Variants in TNPO1 observed in about 807,000 individuals in gnomAD.
TNPO1 encodes transportin-1.
In TNPO1, 8 loss-of-function variants were observed where a neutral mutation model predicts 119.5. That is an observed-to-expected ratio of 0.07 (90% CI 0.04 to 0.12). The LOEUF (loss-of-function observed/expected upper bound fraction) is 0.12. Ranked by LOEUF, TNPO1 falls within the 10% of genes least tolerant of loss-of-function variation. TNPO1 has a pLI of 1.00. For missense variants in TNPO1, 576 were observed against 1,089.8 expected (o/e 0.53, Z 6.64); for synonymous variants, 362 against 363.0 (o/e 1.00, Z 0.03).
In TNPO1 at chr5:72,891,205, A is replaced by G. The variant is rs370593212; in HGVS notation, c.1702-605A>G. Among the ~76,000 whole-genome samples, 299 of 151,738 alleles carry G rather than the reference A, an allele frequency of 2.0e-3. 3 individuals carry two copies. Among genetic ancestry groups the G allele is most frequent in the African/African-American group, 7.0e-3 (289 of 41,444 alleles). On this transcript the variant is annotated intron_variant, in intron 14 of 24. Transcript: ENST00000337273. ...CTTAGGTCTGGGCACAGTGGCTCAC[A>G]CCTGTAATCCCAGCACTTTGGGAGG...
chr5:72,893,582 C>G lies in TNPO1; in HGVS notation c.2056-34C>G, dbSNP rs747043427. 1.2e-5 allele frequency: 19 copies of G among 1,613,994 alleles called. No individual in the cohort carries two copies. In the South Asian group the frequency reaches 2.1e-4, roughly 18 times the overall value. ...TGAATTGAAGCCTGTTTCTCTGTGTCACATTGGGGTTAATTTCTTCTTATT... is the reference window on the plus strand; with the variant it reads ...TGAATTGAAGCCTGTTTCTCTGTGTGACATTGGGGTTAATTTCTTCTTATT... On this transcript the variant is annotated intron_variant, in intron 17 of 24. Transcript: ENST00000337273.
chr5:72,883,743 G>T (rs1359427040), intron 11 of TNPO1, among the ~76,000 whole-genome samples: 1 of 151,784 alleles, frequency 6.6e-6, no homozygotes, highest in Non-Finnish European at 1.5e-5. Context: ...TTGTTTGTTT[G>T]TTTGTTTTTT....
At chr5:72,897,844 A>G (rs1579931889) in intron 20 of TNPO1, among the ~76,000 whole-genome samples, 1 of 152,096 alleles carries the variant, frequency 6.6e-6, no homozygotes, top group Non-Finnish European at 1.5e-5. Context: ...GATGATTCCC[A>G]TAATTTATTT....
intron 21 of TNPO1, 35 bp downstream of exon 21, chr5:72,900,116 TTTC>T (rs752140125): frequency 1.0e-5 from 16 of 1,544,616 alleles, no homozygotes; most frequent in Non-Finnish European, 1.3e-5. Context: ...TTAATTCATT[TTTC>T]TTCACTCTTT....
At chr5:72,883,933 G>T (rs62363384) in intron 11 of TNPO1, among the ~76,000 whole-genome samples, 3 of 150,554 alleles carry the variant, frequency 2.0e-5, no homozygotes, top group Non-Finnish European at 4.4e-5. Flanking sequence ...TTTTTTTTTG[G>T]TAGAGACAGT....
intron 24 of TNPO1, among the ~76,000 whole-genome samples, chr5:72,906,467 T>C (rs575718609): frequency 7.2e-5 from 11 of 152,030 alleles, no homozygotes; most frequent in African/African-American, 2.4e-4. Context: ...AATTTTTGTA[T>C]TTTTAGTAGA....
At chr5:72,823,380 C>G (rs572294604) in intron 1 of TNPO1, among the ~76,000 whole-genome samples, 3 of 152,320 alleles carry the variant, frequency 2.0e-5, no homozygotes, top group South Asian at 4.1e-4. Context: ...GACCTCTCTT[C>G]CAGTGCTCTT....
At chr5:72,843,349 T>G (rs982366768) in intron 1 of TNPO1, among the ~76,000 whole-genome samples, 6 of 152,032 alleles carry the variant, frequency 3.9e-5, no homozygotes, top group African/African-American at 1.4e-4. Context: ...ATCCCAGCAC[T>G]TTAGGAGGCT....
rs956038742 is a variant in TNPO1 at position 72,883,918 on chromosome 5, GT to G, written c.1150+699del. On this transcript the variant is annotated intron_variant, in intron 11 of 24. Transcript: ENST00000337273. The stretch of plus-strand genomic sequence containing the variant: ...CACCAATACACCTGGATGAATTTTT[GT>G]TTTTTTTTTTTTGGTAGAGACAGTT... 1.1e-3 allele frequency among the ~76,000 whole-genome samples: 157 copies of G among 138,438 alleles called. 1 individual carries two copies. The highest frequency in any genetic ancestry group is 1.2e-3 in the South Asian group (5 of 4,310). The allele number at this position is 138,438 out of a possible 152,430, so 90.8% of individuals were successfully genotyped here. A position where few individuals can be genotyped will look rare whatever the true frequency, so the allele number is the denominator to read the frequency against.
rs368747295 is a variant in TNPO1 at position 72,872,604 on chromosome 5, A to G, written c.597-35A>G. On this transcript the variant is annotated intron_variant, in intron 6 of 24. Transcript: ENST00000337273. Reference sequence around the variant, plus strand: ...TTTCTATAGATAGAACAAAGTTACAATGAGCATATGTTAAATTTTAAACTT... The same window carrying G: ...TTTCTATAGATAGAACAAAGTTACAGTGAGCATATGTTAAATTTTAAACTT... 13 of 1,477,296 alleles carry G rather than the reference A, an allele frequency of 8.8e-6. 1 individual carries two copies. Among genetic ancestry groups the G allele is most frequent in the African/African-American group, 5.6e-5 (4 of 71,550 alleles). 91.5% of individuals were successfully genotyped at this position (1,477,296 alleles called of 1,614,324 possible). A position where few individuals can be genotyped will look rare whatever the true frequency, so the allele number is the denominator to read the frequency against.
At position 72,911,278 on chromosome 5, in the gene TNPO1, AT is replaced by A. The variant is rs1750545849; in HGVS notation, c.*2606del. ...AATTAGTTTCCAGTTAGGCAGATGA[AT>A]AACACTATTAAAAATGCACCCAGTT... On this transcript the variant is annotated 3_prime_UTR_variant, in exon 25 of 25. Transcript: ENST00000337273. The A allele has an allele frequency of 6.6e-6, 1 of 152,112 alleles. No homozygotes were observed. Among genetic ancestry groups the A allele is most frequent in the African/African-American group, 2.4e-5 (1 of 41,450 alleles). The allele number at this position is 152,112 out of a possible 1,614,324, so 9.4% of individuals were successfully genotyped here. A position where few individuals can be genotyped will look rare whatever the true frequency, so the allele number is the denominator to read the frequency against.
chr5:72,886,012 G>C (rs1450157178), intron 11 of TNPO1, among the ~76,000 whole-genome samples: 1 of 151,984 alleles, frequency 6.6e-6, no homozygotes, highest in African/African-American at 2.4e-5. Flanking sequence ...CTACAGTAAC[G>C]ACATTAACCC....
At chr5:72,880,255 A>G (rs76735113) in intron 9 of TNPO1, among the ~76,000 whole-genome samples, 8,966 of 152,234 alleles carry the variant, frequency 0.059, 366 homozygotes, top group Admixed American at 0.12. Flanking sequence ...TCTGGGCTAT[A>G]TAGTCTCCCT....
At position 72,864,105 on chromosome 5, in the gene TNPO1, T is replaced by A. The variant is rs1580417321; in HGVS notation, c.463-1491T>A. 1.3e-5 allele frequency among the ~76,000 whole-genome samples: 2 copies of A among 152,164 alleles called. 1 individual carries two copies. The highest frequency in any genetic ancestry group is 4.1e-4 in the South Asian group (2 of 4,830). The stretch of plus-strand genomic sequence containing the variant: ...ATGGGTAACAAGTTCACATTTAATT[T>A]GATGTAATAGGCTTTCAGAAGTAAA... On this transcript the variant is annotated intron_variant, in intron 5 of 24. Transcript: ENST00000337273.
At chr5:72,893,768 T>G (rs1160551023) in intron 18 of TNPO1, 65 bp downstream of exon 18, 5 of 1,421,184 alleles carry the variant, frequency 3.5e-6, no homozygotes, top group East Asian at 4.6e-5. Flanking sequence ...CAGCTTTGTT[T>G]TTTTATTATT....
At chr5:72,841,631 G>A (rs1459713470) in intron 1 of TNPO1, among the ~76,000 whole-genome samples, 6 of 152,202 alleles carry the variant, frequency 3.9e-5, no homozygotes, top group South Asian at 2.1e-4. Flanking sequence ...GAGCCACCGC[G>A]CCCAGCCTAT....
intron 11 of TNPO1, among the ~76,000 whole-genome samples, chr5:72,884,332 A>G (rs1025839982): frequency 6.6e-6 from 1 of 152,098 alleles, no homozygotes; most frequent in African/African-American, 2.4e-5. Context: ...TATCATTATT[A>G]TATTCTTAAA....
chr5:72,903,446 T>C (rs1480703540), intron 22 of TNPO1, among the ~76,000 whole-genome samples: 1 of 152,192 alleles, frequency 6.6e-6, no homozygotes, highest in Non-Finnish European at 1.5e-5. Flanking sequence ...TGAACATTTA[T>C]TGCACAGGGG....
rs1750359748 is a variant in TNPO1, at chr5:72,908,859, G to A, written c.*186G>A. On this transcript the variant is annotated 3_prime_UTR_variant, in exon 25 of 25. Transcript: ENST00000337273. ...GGAGGTGTTGCCGTCACTGTATTAAGTCGATGTTGGGAAACGTTTTAACAT... is the reference window on the plus strand; with the variant it reads ...GGAGGTGTTGCCGTCACTGTATTAAATCGATGTTGGGAAACGTTTTAACAT... 1 of 453,524 alleles carries A rather than the reference G, an allele frequency of 2.2e-6. No individual in the cohort carries two copies. 28.1% of individuals were successfully genotyped at this position (453,524 alleles called of 1,614,324 possible).
Sources: allele counts gnomAD v4.1 joint callset (sites outside exome capture counted in the v4.1 genomes callset), GRCh38; gene constraint gnomAD v4.1.1; transcripts MANE v1.5; gene names NCBI Gene and HGNC (gene_info 2026-07-23, HGNC 2026-07-21).